NRCAM: variants seen among roughly 807,000 people sequenced by gnomAD.
The protein encoded by NRCAM is NgCAM-related cell adhesion molecule.
A neutral mutation model predicts 156.5 loss-of-function variants in NRCAM; 83 were observed. That is an observed-to-expected ratio of 0.53 (90% confidence interval 0.44 to 0.64). The LOEUF (loss-of-function observed/expected upper bound fraction) is 0.64, where lower values mean the gene tolerates loss of function less well. NRCAM is among the 30% of genes least tolerant of loss of function. The pLI, the probability that NRCAM is intolerant of heterozygous loss-of-function variation, is 0.00. For missense variants in NRCAM, 1,417 were observed against 1,597.3 expected (o/e 0.89, Z 1.92); for synonymous variants, 538 against 563.9 (o/e 0.95, Z 0.65).
chr7:108,277,468 G>A (rs188961092), intron 3 of NRCAM, among the ~76,000 whole-genome samples: 14 of 151,572 alleles, frequency 9.2e-5, no homozygotes, highest in Admixed American at 5.3e-4. Flanking sequence ...TTGTCTTCTC[G>A]CTTTATTTCA....
At chr7:108,279,397 A>C (rs1426573325) in intron 3 of NRCAM, among the ~76,000 whole-genome samples, 2 of 152,158 alleles carry the variant, frequency 1.3e-5, no homozygotes, top group Non-Finnish European at 2.9e-5. Flanking sequence ...TGATATTCTC[A>C]AAGTACAAAA....
intron 2 of NRCAM, chr7:108,328,537 T>C (rs2099093945): frequency 6.6e-6 from 1 of 152,234 alleles, no homozygotes; most frequent in Admixed American, 6.5e-5. Context: ...AATTGAACCC[T>C]GCTGTGGCTG....
intron 32 of NRCAM, chr7:108,156,466 C>G (rs566490256): frequency 8.2e-6 from 8 of 976,912 alleles, no homozygotes; most frequent in South Asian, 9.5e-5. Flanking sequence ...ATTAAAGAAA[C>G]AAACAAAGAA....
chr7:108,319,521 A>T (rs2154200225), intron 2 of NRCAM, among the ~76,000 whole-genome samples: 1 of 152,306 alleles, frequency 6.6e-6, no homozygotes, highest in South Asian at 2.1e-4. Context: ...ACCTTAGAAA[A>T]CCAGTCTCTT....
chr7:108,269,220 C>G (rs746360685), intron 3 of NRCAM, among the ~76,000 whole-genome samples: 1 of 149,046 alleles, frequency 6.7e-6, no homozygotes, highest in African/African-American at 2.5e-5. Context: ...GCCATTTGAA[C>G]AAAATAACCA....
intron 2 of NRCAM, among the ~76,000 whole-genome samples, chr7:108,335,200 T>C (rs1210258265): frequency 2.6e-5 from 4 of 152,198 alleles, no homozygotes; most frequent in Non-Finnish European, 5.9e-5. Flanking sequence ...ACAGATATTG[T>C]CACATAAGAA....
chr7:108,362,807 A>G (rs1184620163), intron 2 of NRCAM, among the ~76,000 whole-genome samples: 2 of 152,204 alleles, frequency 1.3e-5, no homozygotes, highest in African/African-American at 4.8e-5. Flanking sequence ...TACACAGGTT[A>G]TCATGCATTT....
chr7:108,300,263 C>T (rs1394292053), intron 3 of NRCAM, among the ~76,000 whole-genome samples: 1 of 142,052 alleles, frequency 7.0e-6, no homozygotes, highest in Non-Finnish European at 1.5e-5. Flanking sequence ...TGATTATTCG[C>T]AATTGTTATT....
chr7:108,374,782 C>T (rs1413306582), intron 2 of NRCAM, among the ~76,000 whole-genome samples: 2 of 152,040 alleles, frequency 1.3e-5, no homozygotes, highest in Non-Finnish European at 2.9e-5. Context: ...AATCAGAGCA[C>T]AGTATGGGTA....
At chr7:108,452,408 T>TGG (rs1554665624) in intron 1 of NRCAM, among the ~76,000 whole-genome samples, 27 of 151,148 alleles carry the variant, frequency 1.8e-4, no homozygotes, top group Non-Finnish European at 2.4e-4. Flanking sequence ...ATTAATGCTG[T>TGG]GGGGGGGGGA....
intron 3 of NRCAM, among the ~76,000 whole-genome samples, chr7:108,242,118 T>C (rs777056905): frequency 6.6e-6 from 1 of 151,636 alleles, no homozygotes; most frequent in East Asian, 1.9e-4. Flanking sequence ...TACTAAAAAA[T>C]GCAAAAATTA....
chr7:108,455,836 G>GC (rs146821818), intron 1 of NRCAM, among the ~76,000 whole-genome samples: 1 of 152,250 alleles, frequency 6.6e-6, no homozygotes, highest in African/African-American at 2.4e-5. Context: ...AGCCCGGGAA[G>GC]CCGCCGTGCC....
At chr7:108,231,781 C>G (rs1250764599) in intron 7 of NRCAM, among the ~76,000 whole-genome samples, 1 of 152,042 alleles carries the variant, frequency 6.6e-6, no homozygotes, top group African/African-American at 2.4e-5. Flanking sequence ...ATGTATTATA[C>G]ATGTAATTTT....
chr7:108,328,615 G>A (rs1466194354), intron 2 of NRCAM: 3 of 152,122 alleles, frequency 2.0e-5, no homozygotes, highest in Admixed American at 6.6e-5. Context: ...AGACCTCCCA[G>A]GCCTCCCAGG....
At chr7:108,183,722 A>G (rs1435266092) in intron 22 of NRCAM, among the ~76,000 whole-genome samples, 8 of 152,088 alleles carry the variant, frequency 5.3e-5, no homozygotes, top group African/African-American at 1.9e-4. Context: ...TTTTTAGTAG[A>G]GACGGGGTTT....
intron 3 of NRCAM, among the ~76,000 whole-genome samples, chr7:108,276,017 GT>G (rs2097585069): frequency 6.6e-6 from 1 of 152,142 alleles, no homozygotes; most frequent in Non-Finnish European, 1.5e-5. Context: ...GGTGCAGGTT[GT>G]TCAGTTTCCA....
chr7:108,198,101 T>G lies in NRCAM; in HGVS notation c.1208-2A>C. The stretch of plus-strand genomic sequence containing the variant: ...TTCTGCTGGGGTCATCAGGGGCAAC[T>G]GTTTGGATGTAAAAATAGAAAGTAT... On this transcript the variant is annotated splice_acceptor_variant, in intron 13 of 32. Coordinates refer to ENST00000379028, the MANE Select transcript of NRCAM (RefSeq NM_001037132.4). LOFTEE classifies it high-confidence loss of function. 6.3e-7 allele frequency: 1 copy of G among 1,591,678 alleles called. No individual in the cohort carries two copies. Among genetic ancestry groups the G allele is most frequent in the Non-Finnish European group, 8.5e-7 (1 of 1,173,110 alleles).
At chr7:108,410,497 C>T (rs572835148) in intron 1 of NRCAM, among the ~76,000 whole-genome samples, 1 of 152,290 alleles carries the variant, frequency 6.6e-6, no homozygotes, top group East Asian at 1.9e-4. Context: ...CCCTGGGGCA[C>T]TTTCAAAAAC....
intron 3 of NRCAM, among the ~76,000 whole-genome samples, chr7:108,278,051 G>A (rs897728775): frequency 2.0e-5 from 3 of 152,186 alleles, no homozygotes; most frequent in Non-Finnish European, 4.4e-5. Context: ...GTTTGCCTGA[G>A]TATCACCAGC....
Sources: gnomAD v4.1 joint callset for allele counts (sites outside exome capture counted in the v4.1 genomes callset) on GRCh38, gnomAD v4.1.1 for gene constraint, MANE v1.5 for transcripts, NCBI Gene and HGNC (gene_info 2026-07-23, HGNC 2026-07-21) for gene names.